Variants in MANBA observed in about 807,000 individuals in gnomAD.
The protein encoded by MANBA is mannosidase beta, also known as beta-mannosidase.
MANBA carries 83 observed loss-of-function variants against 111.1 expected under a neutral mutation model. The observed-to-expected ratio is 0.75, with a 90% CI of 0.63 to 0.90. The LOEUF (loss-of-function observed/expected upper bound fraction) is 0.90, where lower values mean the gene tolerates loss of function less well. Ranked by LOEUF, MANBA falls within the 40% of genes least tolerant of loss-of-function variation. The probability of loss-of-function intolerance (pLI) is 0.00; values close to 1 mark genes in which losing one functional copy is unlikely to be tolerated. For synonymous variants in MANBA, 370 were observed against 378.7 expected, an observed-to-expected ratio of 0.98 and a Z score of 0.27; for missense variants, 1,036 against 1,069.0, an observed-to-expected ratio of 0.97 and a Z score of 0.43.
At chr4:102,727,680 GAATCTCCCT>G in intron 1 of MANBA, 1 of 1,312,452 alleles carries the variant, frequency 7.6e-7, no homozygotes, top group Non-Finnish European at 1.1e-6. Flanking sequence ...AGTCTCAGCA[GAATCTCCCT>G]CAGGAGGATG....
chr4:102,726,187 C>T (rs1430628628), intron 2 of MANBA, among the ~76,000 whole-genome samples: 1 of 151,482 alleles, frequency 6.6e-6, no homozygotes, highest in Non-Finnish European at 1.5e-5. Flanking sequence ...CATTCTACCT[C>T]ATATGGAAAT....
intron 5 of MANBA, among the ~76,000 whole-genome samples, chr4:102,700,790 A>G (rs539137498): frequency 5.9e-5 from 9 of 152,102 alleles, no homozygotes; most frequent in African/African-American, 1.9e-4. Flanking sequence ...TATGTGGTCA[A>G]TTTTGGAATA....
chr4:102,714,310 T>C (rs1270304232), intron 5 of MANBA, 128 bp downstream of exon 5: 7 of 939,520 alleles, frequency 7.5e-6, no homozygotes, highest in African/African-American at 1.7e-5. Flanking sequence ...CTTTTATAAA[T>C]TGATTGTACC....
intron 1 of MANBA, among the ~76,000 whole-genome samples, chr4:102,754,570 T>G (rs1349857852): frequency 9.2e-5 from 14 of 152,016 alleles, no homozygotes; most frequent in Admixed American, 9.2e-4. Flanking sequence ...TTTATTTTTT[T>G]TTTTGAGATG....
At position 102,661,230 on chromosome 4, in the gene MANBA, T is replaced by C. The variant is rs904550612; in HGVS notation, c.1486-3330A>G. On this transcript the variant is annotated intron_variant, in intron 11 of 16. Transcript: ENST00000647097. ...TGTAAGGTTTCCCTTGAATGTAACC[T>C]TTTACTCGAAAGCCTTTTTAGATTC... is the stretch of plus-strand genomic sequence containing the variant. Among the ~76,000 whole-genome samples, 3 of 152,360 alleles carry C rather than the reference T, an allele frequency of 2.0e-5. No individual in the cohort carries two copies. The East Asian group carries it at 5.8e-4, about 29-fold the overall frequency.
At chr4:102,641,946 A>T (rs1729895286) in intron 13 of MANBA, among the ~76,000 whole-genome samples, 1 of 150,490 alleles carries the variant, frequency 6.6e-6, no homozygotes, top group South Asian at 2.1e-4. Flanking sequence ...CATAACCAAG[A>T]CTCTTTTGTG....
At chr4:102,737,951 A>T (rs1221362148) in intron 1 of MANBA, among the ~76,000 whole-genome samples, 1 of 152,138 alleles carries the variant, frequency 6.6e-6, no homozygotes, top group Non-Finnish European at 1.5e-5. Context: ...TCCTCACCTG[A>T]TGGATTTTCT....
chr4:102,696,537 C>T (rs1469630934), intron 5 of MANBA, among the ~76,000 whole-genome samples: 2 of 152,102 alleles, frequency 1.3e-5, no homozygotes, highest in Non-Finnish European at 2.9e-5. Context: ...ACCCAAGTGT[C>T]GCAGTTAAGA....
chr4:102,719,891 C>T (rs1722497034), intron 4 of MANBA, among the ~76,000 whole-genome samples: 1 of 152,148 alleles, frequency 6.6e-6, no homozygotes, highest in Non-Finnish European at 1.5e-5. Context: ...GTTCTGGAAG[C>T]CTACCCAGAG....
intron 7 of MANBA, among the ~76,000 whole-genome samples, chr4:102,685,164 G>A (rs1220393021): frequency 6.6e-6 from 1 of 152,160 alleles, no homozygotes; most frequent in East Asian, 1.9e-4. Context: ...GAAGGGAGGG[G>A]AGAGTTTGAG....
rs557402304 is a variant in MANBA at position 102,646,940 on chromosome 4, A to G, written c.1869+3597T>C. Among the ~76,000 whole-genome samples the G allele has an allele frequency of 6.0e-4, 92 of 152,192 alleles. 1 individual carries two copies. The highest frequency in any genetic ancestry group is 2.1e-3 in the African/African-American group (89 of 41,524). ...CAGTTTTCTCAGCGAAGACTTTGCT[A>G]ACAGTTGCAAATATTCCTTAATTAA... On this transcript the variant is annotated intron_variant, in intron 13 of 16. Coordinates refer to ENST00000647097, the MANE Select transcript of MANBA (RefSeq NM_005908.4).
rs779506935 is a variant in MANBA at position 102,664,749 on chromosome 4, C to G, written c.1421G>C (p.Arg474Pro). ...CACATAGTCCTTGATGTAGATTGGCCGGTCAGTGAAACTGATATGATACCA... is the reference window on the plus strand; with the variant it reads ...CACATAGTCCTTGATGTAGATTGGCGGGTCAGTGAAACTGATATGATACCA... ...MNWYHISFTD[R>P]PIYIKDYVTL... is the part of the protein sequence containing the mutation. Residue 474 changes from arginine to proline, a missense_variant, in exon 11 of 17, where the codon CGG becomes CCG. Arg to Pro is a moderately radical substitution (Grantham distance 103). Coordinates refer to ENST00000647097, the MANE Select transcript of MANBA (RefSeq NM_005908.4). 2.5e-6 allele frequency: 4 copies of G among 1,612,818 alleles called. No individual in the cohort carries two copies. The South Asian group carries it at 4.4e-5, about 18-fold the overall frequency.
intron 5 of MANBA, among the ~76,000 whole-genome samples, chr4:102,706,643 A>G (rs1051832236): frequency 1.3e-5 from 2 of 152,230 alleles, no homozygotes; most frequent in African/African-American, 4.8e-5. Flanking sequence ...AAAGAATTCA[A>G]AATAAGGAAA....
rs760475391 is a variant in MANBA at position 102,674,056 on chromosome 4, T to C, written c.975A>G (p.Thr325=). The change falls in exon 8 of 17, where the codon ACA becomes ACG. Residue 325 remains threonine (T), a synonymous_variant. Coordinates refer to ENST00000647097, the MANE Select transcript of MANBA (RefSeq NM_005908.4). ...IEKSAKVYFR[T]VELIEEPIKG... ...TTATAGGCTCTTCTATAAGTTCCAC[T>C]GTCCTAAAATAAACCTGCAATGAAC... is the stretch of plus-strand genomic sequence containing the variant. The C allele has an allele frequency of 6.3e-7, 1 of 1,599,608 alleles. No individual in the cohort carries two copies. Among genetic ancestry groups the C allele is most frequent in the Non-Finnish European group, 8.6e-7 (1 of 1,166,952 alleles).
At chr4:102,649,906 T>G (rs535096086) in intron 13 of MANBA, among the ~76,000 whole-genome samples, 6 of 152,290 alleles carry the variant, frequency 3.9e-5, no homozygotes, top group Admixed American at 1.3e-4. Context: ...AAATGAAGTT[T>G]CTAAAATTTA....
At position 102,631,986 on chromosome 4, in the gene MANBA, C is replaced by T. The variant is rs1302567871; in HGVS notation, c.*71G>A. On this transcript the variant is annotated 3_prime_UTR_variant, in exon 17 of 17. Coordinates refer to ENST00000647097, the MANE Select transcript of MANBA (RefSeq NM_005908.4). ...TCGGCTTCTCTCCTTGTCTCTGTTG[C>T]CTTCCTCTCCAGTCGGTGCTTTAGA... is the stretch of plus-strand genomic sequence containing the variant. The T allele has an allele frequency of 8.4e-6, 11 of 1,306,278 alleles. No homozygotes were observed. The highest frequency in any genetic ancestry group is 1.1e-5 in the Non-Finnish European group (10 of 904,488). 80.9% of individuals were successfully genotyped at this position (1,306,278 alleles called of 1,614,324 possible). A position where few individuals can be genotyped will look rare whatever the true frequency, so the allele number is the denominator to read the frequency against.
rs556872721 is a variant in MANBA, at chr4:102,684,623, A to C, written c.960+4951T>G. On this transcript the variant is annotated intron_variant, in intron 7 of 16. Coordinates refer to ENST00000647097, the MANE Select transcript of MANBA (RefSeq NM_005908.4). ...ATAGACAAACTTACAGTTACACAGA[A>C]CAATAAACAGCAGTCCCCCCTTATC... Among the ~76,000 whole-genome samples, 4 of 152,310 alleles carry C rather than the reference A, an allele frequency of 2.6e-5. No homozygotes were observed. In the South Asian group the frequency reaches 8.3e-4, roughly 32 times the overall value.
intron 1 of MANBA, among the ~76,000 whole-genome samples, chr4:102,735,940 T>C (rs1260276150): frequency 2.0e-5 from 3 of 152,220 alleles, no homozygotes; most frequent in Non-Finnish European, 2.9e-5. Flanking sequence ...GAAACCAATC[T>C]AGTCTAACAC....
At chr4:102,720,788 A>T (rs1722534599) in intron 4 of MANBA, among the ~76,000 whole-genome samples, 1 of 152,208 alleles carries the variant, frequency 6.6e-6, no homozygotes, top group South Asian at 2.1e-4. Context: ...GGCTGTTATT[A>T]CAGTAATTTG....
Sources: gnomAD v4.1 joint callset for allele counts (sites outside exome capture counted in the v4.1 genomes callset) on GRCh38, gnomAD v4.1.1 for gene constraint, MANE v1.5 for transcripts, NCBI Gene and HGNC (gene_info 2026-07-23, HGNC 2026-07-21) for gene names.